KDM2B: variants seen among roughly 807,000 people sequenced by gnomAD.
The protein encoded by KDM2B is lysine-specific demethylase 2B.
A neutral mutation model predicts 150.0 loss-of-function variants in KDM2B; 26 were observed. The ratio of observed to expected loss-of-function variants is 0.17; its 90% CI spans 0.13 to 0.24. The LOEUF is 0.24. Ranked by LOEUF, KDM2B falls within the 10% of genes least tolerant of loss-of-function variation. The pLI, the probability that KDM2B is intolerant of heterozygous loss-of-function variation, is 1.00. For synonymous variants in KDM2B, 734 were observed against 729.5 expected (o/e 1.01, Z -0.10); for missense variants, 1,265 against 1,816.9 (o/e 0.70, Z 5.52).
At chr12:121,508,300 T>G (rs558937348) in intron 11 of KDM2B, among the ~76,000 whole-genome samples, 4 of 152,264 alleles carry the variant, frequency 2.6e-5, no homozygotes, top group Admixed American at 2.6e-4. Flanking sequence ...TTGGCCAGGC[T>G]GGGCTCAAAC....
At chr12:121,484,026 A>G (rs1312205604) in intron 12 of KDM2B, among the ~76,000 whole-genome samples, 1 of 152,088 alleles carries the variant, frequency 6.6e-6, no homozygotes, top group Non-Finnish European at 1.5e-5. Context: ...AAGGCCACAC[A>G]ATAGAGATGT....
At chr12:121,496,767 C>T (rs536791158) in intron 11 of KDM2B, among the ~76,000 whole-genome samples, 9 of 151,768 alleles carry the variant, frequency 5.9e-5, no homozygotes, top group East Asian at 5.8e-4. Context: ...GCTGGGAGTG[C>T]GGATGTGAGC....
At chr12:121,517,102 T>C (rs907765680) in intron 9 of KDM2B, among the ~76,000 whole-genome samples, 2 of 152,146 alleles carry the variant, frequency 1.3e-5, no homozygotes, top group Admixed American at 6.5e-5. Context: ...ATTTGGACCA[T>C]ACCTATTCCC....
At chr12:121,457,172 A>C (rs148099799) in intron 12 of KDM2B, among the ~76,000 whole-genome samples, 3,519 of 152,338 alleles carry the variant, frequency 0.023, 128 homozygotes, top group African/African-American at 0.077. Context: ...TGAGTCTGCC[A>C]GAGCTCTCTC....
Position 121,516,622 on chromosome 12 carries a change from C to T in KDM2B, c.1048-3220G>A, listed in dbSNP as rs1359387498. 11 of 962,970 alleles carry T rather than the reference C, an allele frequency of 1.1e-5. No individual in the cohort carries two copies. The South Asian group carries it at 1.4e-4, about 12-fold the overall frequency. 59.7% of individuals were successfully genotyped at this position (962,970 alleles called of 1,614,324 possible). A position where few individuals can be genotyped will look rare whatever the true frequency, so the allele number is the denominator to read the frequency against. ...CGTCAGTCCAAAACAAAAGGCAAGGCAGTCACAAGGCATGCAATGCTCCCA... is the reference window on the plus strand; with the variant it reads ...CGTCAGTCCAAAACAAAAGGCAAGGTAGTCACAAGGCATGCAATGCTCCCA... On this transcript the variant is annotated intron_variant, in intron 9 of 22. Coordinates refer to ENST00000377071, the MANE Select transcript of KDM2B (RefSeq NM_032590.5).
rs782648177 is a variant in KDM2B at position 121,467,300 on chromosome 12, T to TGGCTCG, written c.1735-13962_1735-13957dup. 1.1e-3 allele frequency: 1,097 copies of TGGCTCG among 983,590 alleles called. 11 individuals are homozygous for TGGCTCG. In the African/African-American group the frequency reaches 0.012, roughly 11 times the overall value. 60.9% of individuals were successfully genotyped at this position (983,590 alleles called of 1,614,324 possible). On this transcript the variant is annotated intron_variant, in intron 12 of 22. Coordinates refer to ENST00000377071, the MANE Select transcript of KDM2B (RefSeq NM_032590.5). The surrounding 1 kb of genome is among the most constrained non-coding windows in gnomAD (Gnocchi z 5.1). ...CGCCCGGAGCAGGCTCGGCTCGCCC[T>TGGCTCG]GGCTCGGGCTCGGGCTCGGGCTCGG...
At chr12:121,476,816 T>A (rs1881437496) in intron 12 of KDM2B, among the ~76,000 whole-genome samples, 1 of 152,132 alleles carries the variant, frequency 6.6e-6, no homozygotes, top group African/African-American at 2.4e-5. Flanking sequence ...TTTTCATAGA[T>A]CCATCAAGAC....
intron 13 of KDM2B, among the ~76,000 whole-genome samples, chr12:121,447,662 C>T (rs1460265187): frequency 1.3e-5 from 2 of 151,826 alleles, no homozygotes; most frequent in African/African-American, 4.8e-5. Flanking sequence ...TATGTTATTT[C>T]TTTTTTCTTA....
chr12:121,451,074 A>G (rs1317523132), intron 13 of KDM2B, among the ~76,000 whole-genome samples: 1 of 152,076 alleles, frequency 6.6e-6, no homozygotes, highest in East Asian at 1.9e-4. Context: ...TTTTTTTTCA[A>G]CAAAAGTTAT....
At position 121,513,321 on chromosome 12, in the gene KDM2B, G is replaced by A. The variant is rs1885753160; in HGVS notation, c.1129C>T (p.Arg377Cys). The A allele has an allele frequency of 6.8e-6, 11 of 1,613,414 alleles. No individual in the cohort carries two copies. The East Asian group carries it at 1.1e-4, about 16-fold the overall frequency. Residue 377 changes from arginine to cysteine, a missense_variant, in exon 10 of 23, where the codon CGC (arginine) becomes TGC (cysteine). Arg to Cys is a radical substitution (Grantham distance 180). Coordinates refer to ENST00000377071, the MANE Select transcript of KDM2B (RefSeq NM_032590.5). The surrounding 1 kb of genome is among the most constrained non-coding windows in gnomAD (Gnocchi z 5.0). ...LERYVYCVTQ[R>C]SHLTQEYQRE... ...TGGTATTCCTGAGTGAGGTGGGAGC[G>A]CTGGGTCACACAGTACACGTATCTC... is the stretch of plus-strand genomic sequence containing the variant.
At chr12:121,416,350 G>T in the KDM2B span, 87 of 1,613,582 alleles carry the variant, frequency 5.4e-5, no homozygotes, top group Non-Finnish European at 6.7e-5. Flanking sequence ...AAGCCTGTGG[G>T]CTTTCATTTT....
Position 121,580,228 on chromosome 12 carries a change from C to T in KDM2B, c.126+558G>A, listed in dbSNP as rs1891857357. The T allele has an allele frequency of 2.6e-5, 36 of 1,370,546 alleles. No individual in the cohort carries two copies. The South Asian group carries it at 6.6e-4, about 25-fold the overall frequency. The allele number at this position is 1,370,546 out of a possible 1,614,324, so 84.9% of individuals were successfully genotyped here. ...CTTAGGCAGATCCGTTTGCAAAGTC[C>T]TAGGAAACCATTTTCAGCAGTTGTG... On this transcript the variant is annotated intron_variant, in intron 1 of 22. Coordinates refer to ENST00000377071, the MANE Select transcript of KDM2B (RefSeq NM_032590.5).
chr12:121,447,195 C>T (rs1389306803), intron 13 of KDM2B, among the ~76,000 whole-genome samples: 1 of 152,100 alleles, frequency 6.6e-6, no homozygotes, highest in Non-Finnish European at 1.5e-5. Flanking sequence ...TCCAAAACAA[C>T]ATATCACAAT....
rs192601287 is a variant in KDM2B at position 121,526,838 on chromosome 12, C to G, written c.932-5738G>C. Among the ~76,000 whole-genome samples, 76 of 152,110 alleles carry G rather than the reference C, an allele frequency of 5.0e-4. 1 individual carries two copies. The East Asian group carries it at 0.015, about 29-fold the overall frequency. ...CCTGAGGTCAGGAGTTCAAGACCAG[C>G]CTGGGCAACATGGTAAAACCACGTC... is the stretch of plus-strand genomic sequence containing the variant. On this transcript the variant is annotated intron_variant, in intron 8 of 22. Transcript: ENST00000377071.
intron 9 of KDM2B, among the ~76,000 whole-genome samples, chr12:121,515,474 G>A (rs199766268): frequency 3.5e-4 from 9 of 25,382 alleles, no homozygotes; most frequent in Non-Finnish European, 2.2e-4. Flanking sequence ...AATCACACTC[G>A]CCACCCCCAA....
downstream of KDM2B, among the ~76,000 whole-genome samples, chr12:121,424,928 A>G (rs539342498): frequency 6.6e-6 from 1 of 152,318 alleles, no homozygotes; most frequent in East Asian, 1.9e-4. Context: ...AGACTTGTCT[A>G]AAACCTCATG....
chr12:121,488,807 T>G (rs1163393085), intron 12 of KDM2B, among the ~76,000 whole-genome samples: 1 of 150,932 alleles, frequency 6.6e-6, no homozygotes, highest in Non-Finnish European at 1.5e-5. Flanking sequence ...GGTTTTTTGT[T>G]TGTTTGTTTG....
the KDM2B span, among the ~76,000 whole-genome samples, chr12:121,414,759 G>A: frequency 2.6e-5 from 4 of 150,944 alleles, no homozygotes; most frequent in South Asian, 2.1e-4. Flanking sequence ...AACAATCTCC[G>A]CCTCCCGAAT....
rs782373172 is a variant in KDM2B at position 121,442,749 on chromosome 12, G to C, written c.2692C>G (p.Pro898Ala). The part of the protein sequence containing the change: ...RFKQEPEDEL[P>A]EAPPKTRESD... ...TCCCTGGTCTTGGGGGGCGCCTCGG[G>C]CAGTTCGTCCTCGGGTTCCTGCTTG... is the stretch of plus-strand genomic sequence containing the variant. Residue 898 changes from proline (P) to alanine (A), a missense_variant, in exon 19 of 23, where the codon CCC becomes GCC. By Grantham distance (27) the Pro-to-Ala change is conservative. Coordinates refer to ENST00000377071, the MANE Select transcript of KDM2B (RefSeq NM_032590.5). The surrounding 1 kb of genome is among the most constrained non-coding windows in gnomAD (Gnocchi z 7.7). The C allele has an allele frequency of 6.4e-7, 1 of 1,555,630 alleles. No homozygotes were observed. Among genetic ancestry groups the C allele is most frequent in the South Asian group, 1.2e-5 (1 of 81,248 alleles).
Sources: allele counts gnomAD v4.1 joint callset (sites outside exome capture counted in the v4.1 genomes callset), GRCh38; gene constraint gnomAD v4.1.1; non-coding constraint Gnocchi (gnomAD v3.1); transcripts MANE v1.5; gene names NCBI Gene and HGNC (gene_info 2026-07-23, HGNC 2026-07-21).